The following DLG2 variants were observed in gnomAD, a reference collection of about 807,000 sequenced individuals.
DLG2 encodes the protein discs large MAGUK scaffold protein 2.
A neutral mutation model predicts 132.5 loss-of-function variants in DLG2; 45 were observed. The observed-to-expected ratio is 0.34, with a 90% CI of 0.27 to 0.44. DLG2 has a LOEUF of 0.44. DLG2 is among the 20% of genes least tolerant of loss of function. The pLI, the probability that DLG2 is intolerant of heterozygous loss-of-function variation, is 1.00. For synonymous variants in DLG2, 424 were observed against 419.6 expected, an observed-to-expected ratio of 1.01 and a Z score of -0.13; for missense variants, 1,045 against 1,196.9, an observed-to-expected ratio of 0.87 and a Z score of 1.87.
At chr11:84,332,217 T>C (rs1250678826) in intron 7 of DLG2, among the ~76,000 whole-genome samples, 2 of 150,654 alleles carry the variant, frequency 1.3e-5, no homozygotes, top group Non-Finnish European at 3.0e-5. Context: ...TTTTTTTTTT[T>C]TTTTCTTTTT....
At chr11:85,441,696 G>GAAT (rs2091785678) in intron 3 of DLG2, among the ~76,000 whole-genome samples, 1 of 152,134 alleles carries the variant, frequency 6.6e-6, no homozygotes, top group African/African-American at 2.4e-5. Flanking sequence ...TGTGGTAAAT[G>GAAT]CTATGATTCA....
intron 3 of DLG2, among the ~76,000 whole-genome samples, chr11:85,370,028 G>A (rs552413712): frequency 6.6e-6 from 1 of 152,200 alleles, no homozygotes; most frequent in African/African-American, 2.4e-5. Context: ...TGCAAGGTTT[G>A]CCAAGTGTTT....
intron 3 of DLG2, among the ~76,000 whole-genome samples, chr11:85,304,990 T>C (rs1002843959): frequency 3.3e-5 from 5 of 152,224 alleles, no homozygotes; most frequent in Non-Finnish European, 7.3e-5. Context: ...AACTCTATAT[T>C]ACCAGAGCCT....
intron 6 of DLG2, among the ~76,000 whole-genome samples, chr11:84,862,837 C>CGGG (rs2083962636): frequency 4.9e-5 from 5 of 101,302 alleles, no homozygotes; most frequent in Admixed American, 1.1e-4. Context: ...GGGTGGGGGA[C>CGGG]TAGGGGAGGA....
At chr11:83,486,015 C>T (rs2093477780) in intron 21 of DLG2, 3 of 399,496 alleles carry the variant, frequency 7.5e-6, no homozygotes, top group Non-Finnish European at 1.3e-5. Flanking sequence ...ACTAAAATTA[C>T]ATTCTCAGAG....
intron 6 of DLG2, among the ~76,000 whole-genome samples, chr11:84,836,361 A>C (rs1348482533): frequency 1.3e-5 from 2 of 151,886 alleles, no homozygotes; most frequent in South Asian, 4.1e-4. Flanking sequence ...TACTTCATTT[A>C]AATTCCACCA....
chr11:84,389,911 T>C (rs892424084), intron 7 of DLG2, among the ~76,000 whole-genome samples: 1 of 152,188 alleles, frequency 6.6e-6, no homozygotes, highest in Non-Finnish European at 1.5e-5. Context: ...AATTATCTCT[T>C]GGAATGTGAT....
At chr11:84,011,954 T>C (rs535921666) in intron 11 of DLG2, among the ~76,000 whole-genome samples, 1 of 152,228 alleles carries the variant, frequency 6.6e-6, no homozygotes, top group East Asian at 1.9e-4. Flanking sequence ...TGGATTGTAT[T>C]GTTTATAAAA....
intron 3 of DLG2, among the ~76,000 whole-genome samples, chr11:85,412,934 G>A (rs67863848): frequency 6.6e-6 from 1 of 151,740 alleles, no homozygotes; most frequent in Admixed American, 6.6e-5. Flanking sequence ...AGCCAGTACT[G>A]AGATTGTTGG....
At chr11:84,500,046 G>C (rs2099198754) in intron 7 of DLG2, among the ~76,000 whole-genome samples, 1 of 151,974 alleles carries the variant, frequency 6.6e-6, no homozygotes, top group African/African-American at 2.4e-5. Context: ...AAATAGACAA[G>C]ATCCATGCTC....
chr11:84,630,292 G>A (rs1417354145), intron 6 of DLG2, among the ~76,000 whole-genome samples: 4 of 152,128 alleles, frequency 2.6e-5, no homozygotes, highest in African/African-American at 9.7e-5. Context: ...ACAGAATCTT[G>A]TAGAAACCAT....
chr11:85,622,808 C>G (rs1480474013), intron 2 of DLG2, among the ~76,000 whole-genome samples: 7 of 152,026 alleles, frequency 4.6e-5, no homozygotes, highest in Admixed American at 4.6e-4. Flanking sequence ...GCCTGTAATC[C>G]CAGCACTTTG....
chr11:84,188,583 G>C (rs1326702559), intron 8 of DLG2, among the ~76,000 whole-genome samples: 1 of 152,058 alleles, frequency 6.6e-6, no homozygotes, highest in East Asian at 1.9e-4. Context: ...TCCCAAGATT[G>C]CAAGAAAATT....
At chr11:84,364,962 T>C (rs1250690872) in intron 7 of DLG2, among the ~76,000 whole-genome samples, 11 of 152,244 alleles carry the variant, frequency 7.2e-5, no homozygotes, top group Admixed American at 7.2e-4. Context: ...AGGATATTGG[T>C]CTAAAATTCT....
chr11:84,293,721 G>A (rs1271563484), intron 7 of DLG2, among the ~76,000 whole-genome samples: 1 of 152,060 alleles, frequency 6.6e-6, no homozygotes, highest in Admixed American at 6.6e-5. Flanking sequence ...AGGCTCAGAT[G>A]GGTAAAAACT....
At chr11:85,306,972 A>G (rs1040501429) in intron 3 of DLG2, among the ~76,000 whole-genome samples, 2 of 152,204 alleles carry the variant, frequency 1.3e-5, no homozygotes, top group African/African-American at 4.8e-5. Context: ...TGAATTTGGG[A>G]ACTCATGACA....
chr11:84,038,397 G>A (rs373334420), intron 11 of DLG2, among the ~76,000 whole-genome samples: 140 of 152,022 alleles, frequency 9.2e-4, no homozygotes, highest in African/African-American at 3.3e-3. Context: ...ATGAAAAAAA[G>A]CTCAACATCA....
intron 6 of DLG2, among the ~76,000 whole-genome samples, chr11:85,041,607 A>T (rs992746067): frequency 1.3e-5 from 2 of 151,910 alleles, no homozygotes; most frequent in Non-Finnish European, 2.9e-5. Context: ...TAATACAGGA[A>T]ATGAAGTCAG....
chr11:85,367,316 C>T (rs892113494), intron 3 of DLG2, among the ~76,000 whole-genome samples: 14 of 152,218 alleles, frequency 9.2e-5, no homozygotes, highest in Non-Finnish European at 1.5e-4. Flanking sequence ...TGCTTAATAG[C>T]CGACTGATGC....
Sources: allele counts gnomAD v4.1 joint callset (sites outside exome capture counted in the v4.1 genomes callset), GRCh38; gene constraint gnomAD v4.1.1; transcripts MANE v1.5; gene names NCBI Gene and HGNC (gene_info 2026-07-23, HGNC 2026-07-21).